MIER2: variants seen among roughly 807,000 people sequenced by gnomAD.
MIER2 encodes the protein mesoderm induction early response protein 2.
MIER2 carries 30 observed loss-of-function variants against 67.6 expected under a neutral mutation model. The observed-to-expected ratio is 0.44, with a 90% CI of 0.33 to 0.60. MIER2 has a LOEUF of 0.60. Among genes scored for constraint, MIER2 ranks in the 20% least tolerant of loss-of-function variants. The pLI, the probability that MIER2 is intolerant of heterozygous loss-of-function variation, is 0.02. For synonymous variants in MIER2, 372 were observed against 312.6 expected, an observed-to-expected ratio of 1.19 and a Z score of -2.00; for missense variants, 702 against 745.1, an observed-to-expected ratio of 0.94 and a Z score of 0.67.
intron 5 of MIER2, chr19:326,878 T>G: frequency 1.7e-6 from 1 of 587,258 alleles, no homozygotes; most frequent in Non-Finnish European, 2.9e-6. Context: ...GTTCTGGGAA[T>G]GCTGTCCCTG....
intron 1 of MIER2, chr19:344,216 C>G (rs1050451550): frequency 2.0e-6 from 2 of 985,438 alleles, no homozygotes; most frequent in East Asian, 2.3e-4. Context: ...CAGTTCGCGC[C>G]AGGCGGGTCC....
At chr19:339,408 C>T (rs1479669342) in intron 1 of MIER2, among the ~76,000 whole-genome samples, 2 of 152,156 alleles carry the variant, frequency 1.3e-5, no homozygotes, top group African/African-American at 4.8e-5. Flanking sequence ...ATACCACTTC[C>T]TAATCAGAGA....
At chr19:318,616 C>T (rs149166085) in intron 7 of MIER2, among the ~76,000 whole-genome samples, 117 of 152,198 alleles carry the variant, frequency 7.7e-4, no homozygotes, top group South Asian at 1.5e-3. Flanking sequence ...AAAATTCCAC[C>T]CAACAACAGC....
chr19:337,870 C>CAAAAAAAAAAAAA (rs34553732), intron 1 of MIER2, among the ~76,000 whole-genome samples: 2 of 37,130 alleles, frequency 5.4e-5, no homozygotes, highest in South Asian at 1.4e-3. Flanking sequence ...CTCCATCTCA[C>CAAAAAAAAAAAAA]AAAAAAAAAA....
intron 10 of MIER2, among the ~76,000 whole-genome samples, chr19:309,693 G>A (rs1394294393): frequency 5.1e-5 from 4 of 78,492 alleles, no homozygotes; most frequent in African/African-American, 1.6e-4. Flanking sequence ...GCTTCAGGGA[G>A]ACGAGAAGGG....
At chr19:334,935 G>T (rs865873485) in intron 2 of MIER2, among the ~76,000 whole-genome samples, 1 of 152,194 alleles carries the variant, frequency 6.6e-6, no homozygotes, top group South Asian at 2.1e-4. Flanking sequence ...TGAAACGGGG[G>T]TGACGCTGAA....
At chr19:343,727 C>G in intron 1 of MIER2, 1 of 597,830 alleles carries the variant, frequency 1.7e-6, no homozygotes, top group Non-Finnish European at 2.1e-6. Flanking sequence ...TGAGTCTGCC[C>G]GCCTGTCGTA....
At chr19:327,006 C>T (rs1466186464) in intron 5 of MIER2, 127 bp downstream of exon 5, 5 of 1,351,518 alleles carry the variant, frequency 3.7e-6, no homozygotes, top group East Asian at 2.5e-5. Flanking sequence ...TGACGCTTCC[C>T]GCCAGGCAGA....
intron 2 of MIER2, 23 bp from the exon 3 acceptor site, chr19:334,565 G>A: frequency 6.2e-7 from 1 of 1,610,630 alleles, no homozygotes; most frequent in Non-Finnish European, 8.5e-7. Context: ...GAGCAGCCCA[G>A]GTGAGCACCG....
At chr19:341,317 G>T (rs1302030932) in intron 1 of MIER2, among the ~76,000 whole-genome samples, 6 of 152,156 alleles carry the variant, frequency 3.9e-5, no homozygotes, top group African/African-American at 1.4e-4. Context: ...GATCCACACC[G>T]AGTAACAGGG....
At chr19:310,409 G>A (rs957334411) in intron 10 of MIER2, among the ~76,000 whole-genome samples, 6 of 152,240 alleles carry the variant, frequency 3.9e-5, no homozygotes, top group Non-Finnish European at 7.3e-5. Context: ...GGTGAAATAC[G>A]CACTGGCTCA....
intron 4 of MIER2, among the ~76,000 whole-genome samples, chr19:327,537 T>C (rs1399188587): frequency 1.3e-5 from 2 of 152,212 alleles, no homozygotes; most frequent in Non-Finnish European, 2.9e-5. Context: ...GTTTTAACCT[T>C]CTACAATGCA....
rs1361078253 is a variant in MIER2, at chr19:307,270, G to A, written c.1465C>T (p.Leu489Phe). The change falls in exon 13 of 14, where the codon CTC becomes TTC. Residue 489 changes from leucine (L) to phenylalanine (F), a missense_variant. Leu to Phe is a conservative substitution (Grantham distance 22). Coordinates refer to ENST00000264819, the MANE Select transcript of MIER2 (RefSeq NM_017550.3). ...ACAGTCTCCTCCGGATCCCCGCTGA[G>A]GTCCACATGGCTGGAGATGAGGGGC... The part of the protein sequence containing the change: ...ELPLISSHVD[L>F]SGDPEETVAP... 1.9e-6 allele frequency: 3 copies of A among 1,599,052 alleles called. No individual in the cohort carries two copies. The highest frequency in any genetic ancestry group is 1.1e-5 in the South Asian group (1 of 88,536).
intron 7 of MIER2, among the ~76,000 whole-genome samples, chr19:322,851 C>T (rs1225897745): frequency 6.6e-6 from 1 of 152,206 alleles, no homozygotes; most frequent in African/African-American, 2.4e-5. Flanking sequence ...CTGAACCAAC[C>T]ATGACCGCAG....
In MIER2 at chr19:315,140, G is replaced by A. The variant is rs533260808; in HGVS notation, c.656-1497C>T. ...AGCACTTTGGGAGGCTGAGGCGGGC[G>A]GGTCACCTGAGGTCAGGAGTTCGAG... On this transcript the variant is annotated intron_variant, in intron 7 of 13. Transcript: ENST00000264819. Among the ~76,000 whole-genome samples the A allele has an allele frequency of 5.0e-3, 756 of 152,226 alleles. 8 individuals are homozygous for A. The highest frequency in any genetic ancestry group is 0.017 in the African/African-American group (710 of 41,524).
intron 3 of MIER2, among the ~76,000 whole-genome samples, chr19:331,140 A>G (rs1295614725): frequency 2.0e-5 from 3 of 152,082 alleles, no homozygotes; most frequent in South Asian, 4.2e-4. Context: ...GGCAGGATCA[A>G]CTTGAGGTCA....
chr19:330,671 G>A (rs1971984515), intron 3 of MIER2, among the ~76,000 whole-genome samples: 2 of 152,078 alleles, frequency 1.3e-5, no homozygotes, highest in Non-Finnish European at 1.5e-5. Context: ...GGTAATTAAG[G>A]TTCAAGGAGG....
intron 3 of MIER2, among the ~76,000 whole-genome samples, chr19:332,209 G>C (rs1972060419): frequency 6.6e-6 from 1 of 151,218 alleles, no homozygotes; most frequent in Non-Finnish European, 1.5e-5. Context: ...TTTTTTTCTT[G>C]AGATGGAGTT....
chr19:314,579 G>C (rs960922185), intron 7 of MIER2, among the ~76,000 whole-genome samples: 2 of 152,140 alleles, frequency 1.3e-5, no homozygotes, highest in African/African-American at 2.4e-5. Context: ...GCGGTAACTA[G>C]CTCCCAGGTT....
Sources: gnomAD v4.1 joint callset for allele counts (sites outside exome capture counted in the v4.1 genomes callset) on GRCh38, gnomAD v4.1.1 for gene constraint, MANE v1.5 for transcripts, NCBI Gene and HGNC (gene_info 2026-07-23, HGNC 2026-07-21) for gene names.